Variants in ARHGEF18 observed in about 807,000 individuals in gnomAD.
ARHGEF18 encodes the protein Rho/Rac guanine nucleotide exchange factor 18.
In ARHGEF18, 93 loss-of-function variants were observed where a neutral mutation model predicts 155.7. That is an observed-to-expected ratio of 0.60 (90% CI 0.50 to 0.71). The LOEUF is 0.71. Among genes scored for constraint, ARHGEF18 ranks in the 30% least tolerant of loss-of-function variants. ARHGEF18 has a pLI of 0.00. For synonymous variants in ARHGEF18, 742 were observed against 753.1 expected, an observed-to-expected ratio of 0.99 and a Z score of 0.24; for missense variants, 1,593 against 1,816.1, an observed-to-expected ratio of 0.88 and a Z score of 2.23.
Position 7,462,486 on chromosome 19 carries a change from GC to G in ARHGEF18, c.2635+158del. Reference sequence around the variant, plus strand: ...GGGGGGCCCAGGAGCAGCACTGACCGCCCCCCGGTGCCTGTGAGAGCCAGAA... The same window carrying G: ...GGGGGGCCCAGGAGCAGCACTGACCGCCCCCGGTGCCTGTGAGAGCCAGAA... On this transcript the variant is annotated intron_variant, in intron 21 of 28. Coordinates refer to ENST00000668164, the MANE Select transcript of ARHGEF18 (RefSeq NM_001367823.1). This position sits in a 1 kb window ranked among gnomAD's most constrained non-coding sequence, Gnocchi z 4.4. 6 of 936,710 alleles carry G rather than the reference GC, an allele frequency of 6.4e-6. No individual in the cohort carries two copies. Among genetic ancestry groups the G allele is most frequent in the Non-Finnish European group, 9.2e-6 (6 of 650,992 alleles). 58.0% of individuals were successfully genotyped at this position (936,710 alleles called of 1,614,324 possible).
At chr19:7,350,147 G>A (rs1969120976) in intron 1 of ARHGEF18, among the ~76,000 whole-genome samples, 1 of 152,158 alleles carries the variant, frequency 6.6e-6, no homozygotes, top group Non-Finnish European at 1.5e-5. Context: ...AGGGGTGGGG[G>A]AGGAAGGCTG....
At chr19:7,382,522 T>TAAG (rs1970797669) in intron 8 of ARHGEF18, among the ~76,000 whole-genome samples, 1 of 152,140 alleles carries the variant, frequency 6.6e-6, no homozygotes, top group East Asian at 1.9e-4. Flanking sequence ...AGCCCAGGCA[T>TAAG]TGAGGGACCT....
chr19:7,356,067 A>G (rs1969288921), intron 1 of ARHGEF18, among the ~76,000 whole-genome samples: 1 of 152,058 alleles, frequency 6.6e-6, no homozygotes. Context: ...CAGGAGGCTC[A>G]GGGCAGAAAC....
At chr19:7,447,293 GT>G in intron 15 of ARHGEF18, 125 bp downstream of exon 15, 1 of 833,510 alleles carries the variant, frequency 1.2e-6, no homozygotes, top group Non-Finnish European at 1.7e-6. Flanking sequence ...GATCGAGACC[GT>G]CCTGGCCAAC....
chr19:7,431,590 T>A (rs980527437), intron 10 of ARHGEF18, among the ~76,000 whole-genome samples: 1 of 128,950 alleles, frequency 7.8e-6, no homozygotes, highest in Non-Finnish European at 1.6e-5. Context: ...CCAAGGCGGG[T>A]GGATCACCTG....
At chr19:7,389,049 G>C (rs1465479203) in intron 10 of ARHGEF18, among the ~76,000 whole-genome samples, 1 of 151,410 alleles carries the variant, frequency 6.6e-6, no homozygotes, top group Non-Finnish European at 1.5e-5. Context: ...GCGGTGGCAC[G>C]ATCACAGCTT....
intron 15 of ARHGEF18, among the ~76,000 whole-genome samples, chr19:7,448,777 G>A (rs1211901698): frequency 1.3e-5 from 2 of 152,142 alleles, no homozygotes; most frequent in African/African-American, 4.8e-5. Context: ...GTGAGCGTGG[G>A]TAGGTGCTCG....
intron 1 of ARHGEF18, among the ~76,000 whole-genome samples, chr19:7,361,702 T>C (rs906330158): frequency 5.3e-5 from 8 of 151,696 alleles, no homozygotes; most frequent in African/African-American, 1.9e-4. Flanking sequence ...CTAAAACAAA[T>C]AAAGCACTGG....
intron 23 of ARHGEF18, among the ~76,000 whole-genome samples, chr19:7,465,063 GC>G (rs1976528205): frequency 2.0e-5 from 3 of 152,178 alleles, no homozygotes; most frequent in African/African-American, 7.2e-5. Flanking sequence ...GAATCAGAAG[GC>G]CAGGTGCCTA....
chr19:7,477,631 G>C, the ARHGEF18 span, among the ~76,000 whole-genome samples: 1 of 152,004 alleles, frequency 6.6e-6, no homozygotes, highest in African/African-American at 2.4e-5. Flanking sequence ...GCACGAACAG[G>C]GCAGGAACCC....
intron 16 of ARHGEF18, among the ~76,000 whole-genome samples, chr19:7,451,832 C>G (rs957303639): frequency 2.6e-5 from 4 of 152,236 alleles, no homozygotes; most frequent in African/African-American, 9.6e-5. Flanking sequence ...AGTGATTCTC[C>G]TGCCTCAGAC....
At chr19:7,397,190 C>T (rs865972847) in intron 10 of ARHGEF18, among the ~76,000 whole-genome samples, 5 of 149,252 alleles carry the variant, frequency 3.4e-5, no homozygotes, top group Admixed American at 6.7e-5. Context: ...TTTTTGTAAA[C>T]GTTACTTTGT....
intron 1 of ARHGEF18, among the ~76,000 whole-genome samples, chr19:7,350,660 G>A (rs372104155): frequency 7.7e-4 from 118 of 152,300 alleles, no homozygotes; most frequent in African/African-American, 2.5e-3. Flanking sequence ...ACAGCTGGGC[G>A]TTCAAATCCC....
chr19:7,382,645 G>T, intron 8 of ARHGEF18, 147 bp from the exon 9 acceptor site: 1 of 421,352 alleles, frequency 2.4e-6, no homozygotes. Flanking sequence ...AGGGAGGGAA[G>T]GAGGAAGTCA....
intron 1 of ARHGEF18, among the ~76,000 whole-genome samples, chr19:7,362,343 A>AGGAAGAG (rs1568265565): frequency 7.0e-5 from 9 of 129,080 alleles, no homozygotes; most frequent in African/African-American, 3.8e-4. Flanking sequence ...AGGAGGAGGA[A>AGGAAGAG]GAGGAGGAGG....
At chr19:7,477,505 C>T in the ARHGEF18 span, 979 of 1,263,692 alleles carry the variant, frequency 7.7e-4, 2 homozygotes, top group Non-Finnish European at 9.5e-4. Flanking sequence ...CCCCTGAATG[C>T]CCTGTGTGGC....
intron 18 of ARHGEF18, among the ~76,000 whole-genome samples, chr19:7,457,955 A>G (rs1975949612): frequency 6.6e-6 from 1 of 152,124 alleles, no homozygotes; most frequent in Admixed American, 6.6e-5. Context: ...ATTGCCGACT[A>G]TTTAAAAAAA....
chr19:7,385,443 CATTATTATTATTATTATTATT>C (rs142755963), intron 10 of ARHGEF18, among the ~76,000 whole-genome samples: 7 of 136,664 alleles, frequency 5.1e-5, no homozygotes, highest in East Asian at 2.1e-4. Context: ...CTGGGAACTT[CATTATTATTATTATTATTATT>C]ATTATTATTA....
chr19:7,392,721 GA>G (rs112251185), intron 10 of ARHGEF18: 12,658 of 72,756 alleles, frequency 0.17, 1,862 homozygotes, highest in African/African-American at 0.41. Context: ...TCTCAAGAAA[GA>G]AAAAAAAAAA....
Sources: allele counts gnomAD v4.1 joint callset (sites outside exome capture counted in the v4.1 genomes callset), GRCh38; gene constraint gnomAD v4.1.1; non-coding constraint Gnocchi (gnomAD v3.1); transcripts MANE v1.5; gene names NCBI Gene and HGNC (gene_info 2026-07-23, HGNC 2026-07-21).